CHD7: variants seen among roughly 807,000 people sequenced by gnomAD.
CHD7 encodes chromodomain helicase DNA binding protein 7.
Under a neutral mutation model 307.3 loss-of-function variants are expected in CHD7, and 24 were observed. The observed-to-expected ratio is 0.08, with a 90% CI of 0.06 to 0.11. The LOEUF is 0.11. Among genes scored for constraint, CHD7 ranks in the 10% least tolerant of loss-of-function variants. The pLI is 1.00. For synonymous variants in CHD7, 1,363 were observed against 1,349.9 expected, an observed-to-expected ratio of 1.01 and a Z score of -0.21; for missense variants, 3,106 against 3,727.1, an observed-to-expected ratio of 0.83 and a Z score of 4.34.
At chr8:60,735,596 G>A (rs1307953506) in intron 1 of CHD7, among the ~76,000 whole-genome samples, 1 of 152,122 alleles carries the variant, frequency 6.6e-6, no homozygotes, top group Non-Finnish European at 1.5e-5. Context: ...ATACAGAAAG[G>A]AGACATAGGT....
chr8:60,687,229 GC>G (rs1481762234), intron 1 of CHD7, among the ~76,000 whole-genome samples: 1 of 152,168 alleles, frequency 6.6e-6, no homozygotes, highest in Non-Finnish European at 1.5e-5. Context: ...TTATAAGCAT[GC>G]CTTTAGTTTC....
chr8:60,826,090 A>C (rs968286578), intron 13 of CHD7, among the ~76,000 whole-genome samples: 1 of 152,158 alleles, frequency 6.6e-6, no homozygotes, highest in African/African-American at 2.4e-5. Context: ...TTCCTATTAC[A>C]TATTGCAGTG....
At chr8:60,818,321 A>C (rs1803842348) in intron 8 of CHD7, among the ~76,000 whole-genome samples, 2 of 152,188 alleles carry the variant, frequency 1.3e-5, no homozygotes, top group African/African-American at 4.8e-5. Flanking sequence ...ATTTCGTCAC[A>C]TGTGTGATGC....
chr8:60,700,441 G>A (rs931031986), intron 1 of CHD7, among the ~76,000 whole-genome samples: 2 of 152,182 alleles, frequency 1.3e-5, no homozygotes, highest in African/African-American at 4.8e-5. Flanking sequence ...ATATATCTCA[G>A]TCCAAACTAG....
At chr8:60,683,120 C>G (rs1295897522) in intron 1 of CHD7, among the ~76,000 whole-genome samples, 2 of 152,166 alleles carry the variant, frequency 1.3e-5, no homozygotes, top group African/African-American at 2.4e-5. Context: ...ATTGGAAATT[C>G]AGAATTTAGC....
At chr8:60,778,798 A>G (rs1456207996) in intron 2 of CHD7, among the ~76,000 whole-genome samples, 1 of 152,252 alleles carries the variant, frequency 6.6e-6, no homozygotes, top group Non-Finnish European at 1.5e-5. Context: ...TAATATGTAC[A>G]AACTAACTCA....
At chr8:60,704,254 G>A (rs994664908) in intron 1 of CHD7, among the ~76,000 whole-genome samples, 4 of 152,170 alleles carry the variant, frequency 2.6e-5, no homozygotes, top group African/African-American at 9.7e-5. Context: ...ACCATGATGA[G>A]TGTTGGGGAT....
At position 60,854,430 on chromosome 8, in the gene CHD7, T is replaced by C; in HGVS notation, c.6843T>C (p.Asp2281=). The C allele has an allele frequency of 4.3e-6, 7 of 1,613,844 alleles. No individual in the cohort carries two copies. The highest frequency in any genetic ancestry group is 5.9e-6 in the Non-Finnish European group (7 of 1,179,772). Reference sequence around the variant, plus strand: ...ATGCTTCCATGAGCACTGCTAGAGATGAAACCCGAGATGGATTCTACATGG... The same window carrying C: ...ATGCTTCCATGAGCACTGCTAGAGACGAAACCCGAGATGGATTCTACATGG... ...ESNASMSTAR[D]ETRDGFYMED... Residue 2281 remains aspartate, a synonymous_variant, in exon 32 of 38, where the codon GAT becomes GAC. Transcript: ENST00000423902.
chr8:60,832,374 T>C (rs1015332064), intron 15 of CHD7, among the ~76,000 whole-genome samples: 2 of 152,024 alleles, frequency 1.3e-5, no homozygotes, highest in African/African-American at 2.4e-5. Context: ...GAGAGTATCA[T>C]GTGTGATGAT....
chr8:60,850,769 G>A (rs1001978591), intron 26 of CHD7, 147 bp downstream of exon 26: 38 of 824,152 alleles, frequency 4.6e-5, no homozygotes, highest in South Asian at 1.2e-4. Flanking sequence ...TTTGTATGTC[G>A]TAATGACTGT....
chr8:60,782,308 C>G (rs919516791), intron 3 of CHD7, among the ~76,000 whole-genome samples: 1 of 152,190 alleles, frequency 6.6e-6, no homozygotes, highest in Non-Finnish European at 1.5e-5. Flanking sequence ...TAAACACACA[C>G]CTGTGCATGT....
chr8:60,853,591 C>T (rs1349044944), intron 31 of CHD7, 91 bp downstream of exon 31: 1 of 990,224 alleles, frequency 1.0e-6, no homozygotes, highest in Non-Finnish European at 1.5e-6. Context: ...TGCTCTTTTT[C>T]ACGAGTACTT....
chr8:60,853,141 A>G lies in CHD7; in HGVS notation c.6416A>G (p.Asn2139Ser). The change falls in exon 31 of 38, where the codon AAT becomes AGT. Residue 2139 changes from asparagine (N) to serine (S), a missense_variant. Asn to Ser is a conservative substitution (Grantham distance 46). Around this residue, in one of 10 missense-constraint regions of CHD7, gnomAD observed 1,030 missense variants for 1,165.4 expected, o/e 0.88. Transcript: ENST00000423902. ...TTTGCTCAAAACAGAGGGGCAGGTA[A>G]TACATCTTCCTTGAACCCACTGGCA... ...KNFAQNRGAGNTSSLNPLAVG... is the reference protein window; with the variant it reads ...KNFAQNRGAGSTSSLNPLAVG... The G allele has an allele frequency of 1.9e-6, 3 of 1,613,950 alleles. No homozygotes were observed. Among genetic ancestry groups the G allele is most frequent in the Non-Finnish European group, 2.5e-6 (3 of 1,179,880 alleles).
chr8:60,781,847 G>A (rs1386925484), intron 3 of CHD7, among the ~76,000 whole-genome samples: 36 of 152,196 alleles, frequency 2.4e-4, no homozygotes, highest in Admixed American at 2.4e-3. Context: ...CCCAGAGGTT[G>A]AACCAGGATT....
chr8:60,780,100 T>C (rs540704884), intron 2 of CHD7, among the ~76,000 whole-genome samples: 1 of 152,376 alleles, frequency 6.6e-6, no homozygotes, highest in South Asian at 2.1e-4. Flanking sequence ...TCATAATTTA[T>C]GGTATAGATG....
In CHD7 at chr8:60,821,645, T is replaced by TATATATACATATGTATATGTATAAAC. The variant is rs771086683; in HGVS notation, c.2698-136_2698-135insTATGTATATGTATAAACATATATACA. ...ATATACATATGTATATGTATAAACA[T>TATATATACATATGTATATGTATAAAC]ATATATACACATACATATATATGTA... On this transcript the variant is annotated intron_variant, in intron 9 of 37. Transcript: ENST00000423902. The TATATATACATATGTATATGTATAAAC allele has an allele frequency of 3.7e-5, 21 of 572,294 alleles. No homozygotes were observed. The African/African-American group carries it at 4.4e-4, about 12-fold the overall frequency. The allele number at this position is 572,294 out of a possible 1,614,324, so 35.5% of individuals were successfully genotyped here.
intron 16 of CHD7, 45 bp downstream of exon 16, chr8:60,836,328 A>G (rs769625852): frequency 6.5e-7 from 1 of 1,538,294 alleles, no homozygotes; most frequent in South Asian, 1.2e-5. Context: ...ATCTAAAATT[A>G]CCTTCCCAGG....
intron 1 of CHD7, among the ~76,000 whole-genome samples, chr8:60,693,142 G>C (rs1299808359): frequency 1.3e-5 from 2 of 152,152 alleles, no homozygotes; most frequent in South Asian, 2.1e-4. Context: ...CTGTGTCCTG[G>C]CCTGTTGGCA....
intron 1 of CHD7, among the ~76,000 whole-genome samples, chr8:60,720,744 G>C (rs1413489570): frequency 6.6e-6 from 1 of 152,202 alleles, no homozygotes; most frequent in African/African-American, 2.4e-5. Context: ...TCCTTGGCAG[G>C]CTACTTAACC....
Sources: gnomAD v4.1 joint callset for allele counts (sites outside exome capture counted in the v4.1 genomes callset) on GRCh38, gnomAD v4.1.1 for gene constraint, gnomAD v4.1.1 regional missense constraint, MANE v1.5 for transcripts, NCBI Gene and HGNC (gene_info 2026-07-23, HGNC 2026-07-21) for gene names.